Variants in NRXN3 observed in about 807,000 individuals in gnomAD.
NRXN3 encodes neurexin III.
In NRXN3, 32 loss-of-function variants were observed where a neutral mutation model predicts 137.6. The ratio of observed to expected loss-of-function variants is 0.23; its 90% confidence interval spans 0.18 to 0.31. The LOEUF (loss-of-function observed/expected upper bound fraction) is 0.31, where lower values mean the gene tolerates loss of function less well. NRXN3 is among the 10% of genes least tolerant of loss of function. The pLI, the probability that NRXN3 is intolerant of heterozygous loss-of-function variation, is 1.00. For missense variants in NRXN3, 1,574 were observed against 2,062.5 expected, an observed-to-expected ratio of 0.76 and a Z score of 4.59; for synonymous variants, 798 against 784.5, an observed-to-expected ratio of 1.02 and a Z score of -0.29.
At chr14:79,256,674 G>A (rs997987102) in intron 15 of NRXN3, among the ~76,000 whole-genome samples, 3 of 152,206 alleles carry the variant, frequency 2.0e-5, no homozygotes, top group African/African-American at 4.8e-5. Flanking sequence ...CAGGGACAGA[G>A]ATCTTTTGGA....
chr14:79,783,753 G>T (rs902528631), intron 19 of NRXN3, among the ~76,000 whole-genome samples: 2 of 152,120 alleles, frequency 1.3e-5, no homozygotes, highest in Non-Finnish European at 2.9e-5. Flanking sequence ...GTCACACATT[G>T]TCTGTGCTTT....
intron 10 of NRXN3, among the ~76,000 whole-genome samples, chr14:78,910,047 A>G (rs768313646): frequency 6.6e-6 from 1 of 151,990 alleles, no homozygotes; most frequent in Non-Finnish European, 1.5e-5. Context: ...TCTTAGTATG[A>G]TAGTTTTCTT....
At chr14:78,175,596 T>C (rs903415340) in intron 1 of NRXN3, among the ~76,000 whole-genome samples, 2 of 152,186 alleles carry the variant, frequency 1.3e-5, no homozygotes, top group Non-Finnish European at 2.9e-5. Context: ...GCTGCAGCTC[T>C]GAGCCTTGAG....
chr14:78,323,501 T>G (rs557843530), intron 4 of NRXN3, among the ~76,000 whole-genome samples: 4 of 152,210 alleles, frequency 2.6e-5, no homozygotes, highest in Non-Finnish European at 5.9e-5. Context: ...ATGTGTGCAG[T>G]TTGTAAACTG....
At chr14:79,833,304 A>G (rs186942375) in intron 20 of NRXN3, among the ~76,000 whole-genome samples, 50 of 152,284 alleles carry the variant, frequency 3.3e-4, no homozygotes, top group Admixed American at 1.2e-3. Flanking sequence ...ATGGTCTTTT[A>G]TATTAACTCA....
intron 4 of NRXN3, among the ~76,000 whole-genome samples, chr14:78,407,180 C>T (rs995418525): frequency 6.6e-6 from 1 of 151,956 alleles, no homozygotes; most frequent in African/African-American, 2.4e-5. Context: ...GAGCTTGGCC[C>T]ATTAAAACAG....
chr14:79,141,024 C>T (rs2058738614), intron 15 of NRXN3, among the ~76,000 whole-genome samples: 1 of 152,078 alleles, frequency 6.6e-6, no homozygotes, highest in Non-Finnish European at 1.5e-5. Context: ...GTAAGAGAAA[C>T]ATTGAGTGGT....
At position 79,048,487 on chromosome 14, in the gene NRXN3, A is replaced by G. The variant is rs1029081408; in HGVS notation, c.3262+60346A>G. Among the ~76,000 whole-genome samples the G allele has an allele frequency of 2.4e-4, 37 of 152,354 alleles. 1 individual carries two copies. The highest frequency in any genetic ancestry group is 3.4e-3 in the Middle Eastern group (1 of 294). ...CACAGCTTTATTTCCCAGTGCATAT[A>G]AAAGTTATGTTGACACTATTCTGTA... On this transcript the variant is annotated intron_variant, in intron 15 of 20. Transcript: ENST00000335750.
At chr14:79,096,524 C>T (rs1290232307) in intron 15 of NRXN3, among the ~76,000 whole-genome samples, 2 of 152,050 alleles carry the variant, frequency 1.3e-5, no homozygotes, top group Non-Finnish European at 2.9e-5. Context: ...AGACTGCAGG[C>T]AGTTTTTAAC....
intron 8 of NRXN3, among the ~76,000 whole-genome samples, chr14:78,734,638 GGGGTGATCA>G (rs1374576501): frequency 1.3e-5 from 2 of 152,190 alleles, no homozygotes; most frequent in Admixed American, 1.3e-4. Flanking sequence ...CCCTAGTTGA[GGGGTGATCA>G]GGGAAACAGC....
At chr14:79,752,329 T>C (rs1000466001) in intron 19 of NRXN3, among the ~76,000 whole-genome samples, 3 of 152,040 alleles carry the variant, frequency 2.0e-5, no homozygotes, top group African/African-American at 7.2e-5. Flanking sequence ...ACTACAAGGC[T>C]ACAGTAACCA....
At chr14:79,607,964 C>T (rs993145362) in intron 16 of NRXN3, among the ~76,000 whole-genome samples, 1 of 152,132 alleles carries the variant, frequency 6.6e-6, no homozygotes, top group Non-Finnish European at 1.5e-5. Flanking sequence ...GAGCCACCAC[C>T]GTGCCTGGCC....
intron 2 of NRXN3, among the ~76,000 whole-genome samples, chr14:78,270,571 G>A (rs2072561201): frequency 6.6e-6 from 1 of 152,182 alleles, no homozygotes; most frequent in African/African-American, 2.4e-5. Context: ...GGCTGGAAAT[G>A]CCTTTTGTTT....
At chr14:79,696,457 T>C (rs897010208) in intron 18 of NRXN3, among the ~76,000 whole-genome samples, 8 of 151,980 alleles carry the variant, frequency 5.3e-5, no homozygotes, top group African/African-American at 1.9e-4. Flanking sequence ...TTAATAAGTC[T>C]TTCTTTTTTC....
intron 4 of NRXN3, among the ~76,000 whole-genome samples, chr14:78,462,445 A>G (rs2094949637): frequency 6.6e-6 from 1 of 152,160 alleles, no homozygotes; most frequent in Non-Finnish European, 1.5e-5. Context: ...AGTTCAACGT[A>G]TGAGACACCA....
chr14:79,166,022 C>G (rs1338523603), intron 15 of NRXN3, among the ~76,000 whole-genome samples: 10 of 151,954 alleles, frequency 6.6e-5, no homozygotes, highest in Non-Finnish European at 1.5e-5. Flanking sequence ...CTATTTGCTC[C>G]AATATTAAAA....
intron 4 of NRXN3, among the ~76,000 whole-genome samples, chr14:78,623,088 T>G (rs1025156741): frequency 3.9e-5 from 6 of 152,210 alleles, no homozygotes; most frequent in African/African-American, 1.4e-4. Context: ...ATTAAGTAAT[T>G]TGCTGAAAAT....
At chr14:79,836,103 TTA>T (rs2099342106) in intron 20 of NRXN3, among the ~76,000 whole-genome samples, 1 of 145,538 alleles carries the variant, frequency 6.9e-6, no homozygotes, top group African/African-American at 2.4e-5. Flanking sequence ...CTTTGTAATA[TTA>T]TAGAGAGAAG....
chr14:79,657,383 G>A (rs2098511467), intron 16 of NRXN3, among the ~76,000 whole-genome samples: 1 of 152,146 alleles, frequency 6.6e-6, no homozygotes, highest in Admixed American at 6.6e-5. Context: ...GGAGGGGACT[G>A]GGTCATTGTC....
Sources: gnomAD v4.1 joint callset for allele counts (sites outside exome capture counted in the v4.1 genomes callset) on GRCh38, gnomAD v4.1.1 for gene constraint, MANE v1.5 for transcripts, NCBI Gene and HGNC (gene_info 2026-07-23, HGNC 2026-07-21) for gene names.